FAM117B: variants seen among roughly 807,000 people sequenced by gnomAD.
FAM117B encodes protein FAM117B.
A neutral mutation model predicts 52.8 loss-of-function variants in FAM117B; 22 were observed. That is an observed-to-expected ratio of 0.42 (90% CI 0.30 to 0.59). The LOEUF is 0.59. Ranked by LOEUF, FAM117B falls within the 20% of genes least tolerant of loss-of-function variation. The pLI is 0.22. For missense variants in FAM117B, 678 were observed against 802.6 expected (o/e 0.84, Z 1.88); for synonymous variants, 309 against 324.1 (o/e 0.95, Z 0.50).
chr2:202,711,732 G>A (rs1197975560), intron 2 of FAM117B, among the ~76,000 whole-genome samples: 1 of 152,144 alleles, frequency 6.6e-6, no homozygotes. Context: ...TAAGGTGAGA[G>A]ATAGGGTCTA....
At chr2:202,653,412 T>C (rs1689985289) in intron 1 of FAM117B, among the ~76,000 whole-genome samples, 1 of 152,228 alleles carries the variant, frequency 6.6e-6, no homozygotes, top group South Asian at 2.1e-4. Flanking sequence ...CTATGTTGCT[T>C]AGGCTGGTCT....
Position 202,759,761 on chromosome 2 carries a change from G to A in FAM117B, c.1451+408G>A, listed in dbSNP as rs145659521. ...TTTAGTAGGGATGGGGTTTCACCGC[G>A]TTAGCCAGGATGGTCTCAATCTCCT... On this transcript the variant is annotated intron_variant, in intron 7 of 7. Transcript: ENST00000392238. 5.4e-3 allele frequency among the ~76,000 whole-genome samples: 820 copies of A among 151,908 alleles called. 2 individuals are homozygous for A. The highest frequency in any genetic ancestry group is 8.3e-3 in the Non-Finnish European group (565 of 67,878).
At chr2:202,678,612 T>TG (rs2105769156) in intron 1 of FAM117B, among the ~76,000 whole-genome samples, 1 of 152,250 alleles carries the variant, frequency 6.6e-6, no homozygotes, top group African/African-American at 2.4e-5. Flanking sequence ...CAGGCTGGAG[T>TG]GCAATGGCGA....
At chr2:202,642,917 T>C (rs1689792648) in intron 1 of FAM117B, among the ~76,000 whole-genome samples, 1 of 151,930 alleles carries the variant, frequency 6.6e-6, no homozygotes, top group Non-Finnish European at 1.5e-5. Context: ...GGAGGAGAAA[T>C]GGTAGAATAG....
intron 1 of FAM117B, among the ~76,000 whole-genome samples, chr2:202,657,638 G>C (rs1690072450): frequency 6.6e-6 from 1 of 151,972 alleles, no homozygotes; most frequent in African/African-American, 2.4e-5. Flanking sequence ...ATAGGCGCAT[G>C]CCACCTCACC....
chr2:202,642,426 T>C (rs1456102423), intron 1 of FAM117B, among the ~76,000 whole-genome samples: 2 of 150,854 alleles, frequency 1.3e-5, no homozygotes, highest in Non-Finnish European at 2.9e-5. Flanking sequence ...CACCTGAATT[T>C]TGGGGGAATG....
chr2:202,715,101 A>T (rs1330904194), intron 2 of FAM117B, among the ~76,000 whole-genome samples: 2 of 142,020 alleles, frequency 1.4e-5, no homozygotes, highest in Non-Finnish European at 3.1e-5. Context: ...ACTTCCCAGA[A>T]GGGGCAGCCG....
At chr2:202,746,400 C>T (rs1691634133) in intron 4 of FAM117B, among the ~76,000 whole-genome samples, 1 of 151,870 alleles carries the variant, frequency 6.6e-6, no homozygotes, top group Non-Finnish European at 1.5e-5. Context: ...AAAAAAATTT[C>T]TTGAAGCAAA....
chr2:202,760,192 C>A (rs1385208408), intron 7 of FAM117B, among the ~76,000 whole-genome samples: 1 of 152,212 alleles, frequency 6.6e-6, no homozygotes, highest in Non-Finnish European at 1.5e-5. Context: ...CCACTTGTTA[C>A]TCAAATTTCT....
At chr2:202,713,728 A>C (rs1174347252) in intron 2 of FAM117B, among the ~76,000 whole-genome samples, 1 of 151,776 alleles carries the variant, frequency 6.6e-6, no homozygotes. Flanking sequence ...TTTTTTTGAG[A>C]AGGAGTTTCG....
intron 7 of FAM117B, among the ~76,000 whole-genome samples, chr2:202,764,763 T>C (rs1413581296): frequency 6.6e-6 from 1 of 152,218 alleles, no homozygotes; most frequent in East Asian, 1.9e-4. Flanking sequence ...CAGGAGGACC[T>C]AGGAAAAGGG....
At chr2:202,748,598 T>C (rs1170219718) in intron 4 of FAM117B, among the ~76,000 whole-genome samples, 1 of 151,938 alleles carries the variant, frequency 6.6e-6, no homozygotes, top group Non-Finnish European at 1.5e-5. Context: ...AAGAATCCCA[T>C]TAAAAAATGG....
At chr2:202,654,341 CTCTA>C (rs772116603) in intron 1 of FAM117B, among the ~76,000 whole-genome samples, 10 of 149,188 alleles carry the variant, frequency 6.7e-5, no homozygotes, top group Admixed American at 1.3e-4. Context: ...TGTATTTGTT[CTCTA>C]TCTGTTTGGA....
chr2:202,691,714 C>A (rs573557704), intron 1 of FAM117B, among the ~76,000 whole-genome samples: 1 of 149,072 alleles, frequency 6.7e-6, no homozygotes, highest in Non-Finnish European at 1.5e-5. Flanking sequence ...CGCGCCTCCC[C>A]ACCCTGCCAG....
At position 202,699,497 on chromosome 2, in the gene FAM117B, TA is replaced by T. The variant is rs1690767014; in HGVS notation, c.753+3467del. Among the ~76,000 whole-genome samples, 6 of 148,140 alleles carry T rather than the reference TA, an allele frequency of 4.1e-5. No homozygotes were observed. In the South Asian group the frequency reaches 1.3e-3, roughly 32 times the overall value. On this transcript the variant is annotated intron_variant, in intron 2 of 7. Coordinates refer to ENST00000392238, the MANE Select transcript of FAM117B (RefSeq NM_173511.4). ...AGAAAATGTATAATTATCATACTGT[TA>T]ATCTTATTTGTAAAGCTCGTGTAGA...
chr2:202,739,406 TCTGTCTTC>T (rs1183618107), intron 4 of FAM117B, among the ~76,000 whole-genome samples: 1 of 151,586 alleles, frequency 6.6e-6, no homozygotes, highest in African/African-American at 2.4e-5. Context: ...TGTCTTTCTG[TCTGTCTTC>T]CTGTCTGTCT....
At chr2:202,734,785 A>G (rs1228565483) in intron 4 of FAM117B, among the ~76,000 whole-genome samples, 2 of 152,242 alleles carry the variant, frequency 1.3e-5, no homozygotes, top group Non-Finnish European at 2.9e-5. Flanking sequence ...ACCTAAATGT[A>G]AAAGATGTAA....
At chr2:202,735,771 T>C (rs887418225) in intron 4 of FAM117B, among the ~76,000 whole-genome samples, 15 of 152,190 alleles carry the variant, frequency 9.9e-5, no homozygotes, top group African/African-American at 3.6e-4. Flanking sequence ...TTTTTTATTA[T>C]TTTTTACAGT....
intron 5 of FAM117B, among the ~76,000 whole-genome samples, chr2:202,756,700 TAA>T (rs1691805041): frequency 1.3e-5 from 2 of 151,990 alleles, no homozygotes; most frequent in South Asian, 4.2e-4. Context: ...GTTTCCTTGC[TAA>T]GTGATCCACA....
Sources: gnomAD v4.1 joint callset for allele counts (sites outside exome capture counted in the v4.1 genomes callset) on GRCh38, gnomAD v4.1.1 for gene constraint, MANE v1.5 for transcripts, NCBI Gene and HGNC (gene_info 2026-07-23, HGNC 2026-07-21) for gene names.